FARS2: variants seen among roughly 807,000 people sequenced by gnomAD.
The protein encoded by FARS2 is phenylalanine--tRNA ligase, mitochondrial.
In FARS2, 40 loss-of-function variants were observed where a neutral mutation model predicts 46.4. The observed-to-expected ratio is 0.86, with a 90% CI of 0.67 to 1.12. FARS2 has a LOEUF of 1.12. Ranked by LOEUF, FARS2 falls within the 50% of genes most tolerant of loss-of-function variation. The probability of loss-of-function intolerance (pLI) is 0.00; values close to 1 mark genes in which losing one functional copy is unlikely to be tolerated. For missense variants in FARS2, 513 were observed against 567.9 expected, an observed-to-expected ratio of 0.90 and a Z score of 0.98; for synonymous variants, 234 against 214.9, an observed-to-expected ratio of 1.09 and a Z score of -0.78.
chr6:5,496,427 G>A (rs765422647), intron 4 of FARS2, among the ~76,000 whole-genome samples: 1 of 152,212 alleles, frequency 6.6e-6, no homozygotes, highest in African/African-American at 2.4e-5. Flanking sequence ...CTTGACATCT[G>A]TGTAGAGCAT....
At chr6:5,683,032 A>C (rs1327506097) in intron 6 of FARS2, among the ~76,000 whole-genome samples, 2 of 151,442 alleles carry the variant, frequency 1.3e-5, no homozygotes, top group Non-Finnish European at 3.0e-5. Context: ...AGAGGGAAGC[A>C]GGGGCTGGGA....
chr6:5,373,385 A>G (rs370591483), intron 2 of FARS2, among the ~76,000 whole-genome samples: 5 of 152,194 alleles, frequency 3.3e-5, no homozygotes, highest in South Asian at 4.1e-4. Context: ...TGAAGGAAGG[A>G]TACAATACCA....
rs746092641 is a variant in FARS2 at position 5,697,067 on chromosome 6, A to G, written c.1218-74224A>G. On this transcript the variant is annotated intron_variant, in intron 6 of 6. Coordinates refer to ENST00000274680, the MANE Select transcript of FARS2 (RefSeq NM_006567.5). ...AAGATACTTTCTGAAGTCTTATCCA[A>G]TTCCATGTATACGTTAATACCTTTT... 7.9e-4 allele frequency among the ~76,000 whole-genome samples: 121 copies of G among 152,346 alleles called. No individual in the cohort carries two copies. The Middle Eastern group carries it at 0.01, about 13-fold the overall frequency.
chr6:5,689,590 A>G (rs1049032601), intron 6 of FARS2, among the ~76,000 whole-genome samples: 1 of 152,068 alleles, frequency 6.6e-6, no homozygotes, highest in South Asian at 2.1e-4. Flanking sequence ...CTGTTCTTTT[A>G]CATTTGCTGA....
At chr6:5,708,257 G>A (rs1758889719) in intron 6 of FARS2, among the ~76,000 whole-genome samples, 1 of 152,176 alleles carries the variant, frequency 6.6e-6, no homozygotes, top group Non-Finnish European at 1.5e-5. Context: ...CGGGAGATGG[G>A]ATTTCCTTAT....
At chr6:5,502,508 C>T (rs553113472) in intron 4 of FARS2, among the ~76,000 whole-genome samples, 6 of 152,248 alleles carry the variant, frequency 3.9e-5, no homozygotes, top group South Asian at 2.1e-4. Context: ...TGATATTGAA[C>T]GTGTAACCTG....
At chr6:5,669,288 G>A (rs963373439) in intron 6 of FARS2, among the ~76,000 whole-genome samples, 1 of 152,062 alleles carries the variant, frequency 6.6e-6, no homozygotes, top group Non-Finnish European at 1.5e-5. Flanking sequence ...TCCATCAACA[G>A]ATCCTGAGAA....
Position 5,493,687 on chromosome 6 carries a change from A to C in FARS2, c.905-51493A>C, listed in dbSNP as rs182082788. 1.2e-3 allele frequency among the ~76,000 whole-genome samples: 176 copies of C among 152,354 alleles called. 1 individual carries two copies. Among genetic ancestry groups the C allele is most frequent in the Admixed American group, 0.01 (154 of 15,308 alleles). Reference sequence around the variant, plus strand: ...TAAAATGGGAGCAGTAGTATTAGCTATTCACGGAGTTGTTTTGAGGATTGA... The same window carrying C: ...TAAAATGGGAGCAGTAGTATTAGCTCTTCACGGAGTTGTTTTGAGGATTGA... On this transcript the variant is annotated intron_variant, in intron 4 of 6. Transcript: ENST00000274680.
intron 4 of FARS2, among the ~76,000 whole-genome samples, chr6:5,456,799 G>A (rs535275959): frequency 5.0e-4 from 75 of 150,806 alleles, no homozygotes; most frequent in African/African-American, 1.8e-3. Flanking sequence ...GGAAAGTGAG[G>A]CTCCATCTTA....
rs1369324996 is a variant in FARS2, at chr6:5,261,557, ATC to A, written c.-121_-120del. 6.6e-6 allele frequency: 1 copy of A among 152,364 alleles called. No homozygotes were observed. The highest frequency in any genetic ancestry group is 1.5e-5 in the Non-Finnish European group (1 of 68,176). The allele number at this position is 152,364 out of a possible 1,614,324, so 9.4% of individuals were successfully genotyped here. A position where few individuals can be genotyped will look rare whatever the true frequency, so the allele number is the denominator to read the frequency against. On this transcript the variant is annotated 5_prime_UTR_variant, in exon 1 of 7. An upstream open reading frame in the 5' UTR loses its in-frame stop. Transcript: ENST00000274680. ...ATGGCAGCGCCCAGCGTGCGCGGGT[ATC>A]TCTGAAGTTGGGGTTTAAGATTCTT...
chr6:5,678,495 A>T (rs1291485212), intron 6 of FARS2, among the ~76,000 whole-genome samples: 1 of 152,192 alleles, frequency 6.6e-6, no homozygotes. Flanking sequence ...TTTACATCAG[A>T]GAGGACATAC....
chr6:5,652,774 G>A (rs548138804), intron 6 of FARS2, among the ~76,000 whole-genome samples: 12 of 152,216 alleles, frequency 7.9e-5, no homozygotes, highest in East Asian at 1.9e-4. Context: ...AGCACCTCCC[G>A]CGGCTGTGGG....
At chr6:5,296,556 GTAC>G (rs1767906690) in intron 1 of FARS2, among the ~76,000 whole-genome samples, 1 of 151,954 alleles carries the variant, frequency 6.6e-6, no homozygotes, top group Non-Finnish European at 1.5e-5. Context: ...TTGAAACTTC[GTAC>G]CCAGTAAACA....
At chr6:5,745,777 T>G (rs1761600332) in intron 6 of FARS2, among the ~76,000 whole-genome samples, 1 of 152,144 alleles carries the variant, frequency 6.6e-6, no homozygotes, top group Admixed American at 6.5e-5. Context: ...TGGGCTCAAG[T>G]CATCCTCCCA....
In FARS2 at chr6:5,711,871, AGTGAC is replaced by A. The variant is rs1221036883; in HGVS notation, c.1218-59417_1218-59413del. 2.6e-5 allele frequency among the ~76,000 whole-genome samples: 4 copies of A among 152,256 alleles called. No homozygotes were observed. The East Asian group carries it at 7.7e-4, about 29-fold the overall frequency. ...GCGTGGATGCTGGTGAAAATAATGT[AGTGAC>A]GTTGGTTCACTCCTTCTGACTAACA... On this transcript the variant is annotated intron_variant, in intron 6 of 6. Coordinates refer to ENST00000274680, the MANE Select transcript of FARS2 (RefSeq NM_006567.5).
chr6:5,600,574 A>C (rs889931110), intron 5 of FARS2, among the ~76,000 whole-genome samples: 23 of 133,398 alleles, frequency 1.7e-4, no homozygotes, highest in African/African-American at 5.9e-4. Context: ...AGATGGAATT[A>C]AAAGTAAGGG....
intron 6 of FARS2, among the ~76,000 whole-genome samples, chr6:5,639,650 A>G (rs139568342): frequency 1.3e-5 from 2 of 152,302 alleles, no homozygotes; most frequent in African/African-American, 2.4e-5. Context: ...CTCTTCTTCT[A>G]TCCACATTTG....
chr6:5,302,376 A>G (rs1274109747), intron 1 of FARS2, among the ~76,000 whole-genome samples: 1 of 152,106 alleles, frequency 6.6e-6, no homozygotes, highest in African/African-American at 2.4e-5. Flanking sequence ...GTCCAGAGAG[A>G]TTACATCTCC....
At chr6:5,570,849 C>T (rs1772602180) in intron 5 of FARS2, among the ~76,000 whole-genome samples, 1 of 152,180 alleles carries the variant, frequency 6.6e-6, no homozygotes, top group Non-Finnish European at 1.5e-5. Context: ...CAGCTTCAAA[C>T]CACAGAAGCC....
Sources: gnomAD v4.1 joint callset for allele counts (sites outside exome capture counted in the v4.1 genomes callset) on GRCh38, gnomAD v4.1.1 for gene constraint, MANE v1.5 for transcripts, NCBI Gene and HGNC (gene_info 2026-07-23, HGNC 2026-07-21) for gene names.